DDX31: variants seen among roughly 807,000 people sequenced by gnomAD.
The protein encoded by DDX31 is DEAD-box helicase 31.
In DDX31, 70 loss-of-function variants were observed where a neutral mutation model predicts 91.3. The observed-to-expected ratio is 0.77, with a 90% CI of 0.63 to 0.94. The LOEUF is 0.94. Among genes scored for constraint, DDX31 ranks in the 40% least tolerant of loss-of-function variants. The probability of loss-of-function intolerance (pLI) is 0.00; values close to 1 mark genes in which losing one functional copy is unlikely to be tolerated. For missense variants in DDX31, 902 were observed against 925.0 expected, an observed-to-expected ratio of 0.98 and a Z score of 0.32; for synonymous variants, 362 against 350.6, an observed-to-expected ratio of 1.03 and a Z score of -0.36.
At position 132,648,224 on chromosome 9, in the gene DDX31, C is replaced by T. The variant is rs183976363; in HGVS notation, c.932G>A (p.Arg311Gln). 266 of 1,613,910 alleles carry T rather than the reference C, an allele frequency of 1.6e-4. No homozygotes were observed. The highest frequency in any genetic ancestry group is 2.1e-4 in the Non-Finnish European group (252 of 1,179,984). Residue 311 changes from arginine to glutamine, a missense_variant, in exon 11 of 20, where the codon CGA (arginine) becomes CAA (glutamine). Coordinates refer to ENST00000372159, the MANE Select transcript of DDX31 (RefSeq NM_022779.9). The part of the protein sequence containing the change: ...LNAVNAECQK[R>Q]QNVLLSATLT... ...TGTCGCTGATAGCAAGACATTCTGT[C>T]GTTTTTGGCATTCAGCATTTACAGC...
intron 14 of DDX31, among the ~76,000 whole-genome samples, chr9:132,636,814 G>C (rs1039709302): frequency 5.3e-5 from 8 of 152,164 alleles, no homozygotes; most frequent in African/African-American, 1.9e-4. Flanking sequence ...AGAAAGGCAA[G>C]TCCTAGTCTA....
intron 19 of DDX31, among the ~76,000 whole-genome samples, chr9:132,599,248 A>C (rs1400189297): frequency 6.6e-6 from 1 of 152,240 alleles, no homozygotes; most frequent in Non-Finnish European, 1.5e-5. Flanking sequence ...AGGCACAGAG[A>C]GATTAGGTCA....
In DDX31 at chr9:132,652,480, G is replaced by A. The variant is rs1265286110; in HGVS notation, c.601C>T (p.Pro201Ser). ...GTTGGCACGAGCACCAGGGCATAGGGGCCATCACTGCGCTGTTGACACACA... is the reference window on the plus strand; with the variant it reads ...GTTGGCACGAGCACCAGGGCATAGGAGCCATCACTGCGCTGTTGACACACA... Reference protein sequence around the residue: ...MESKIQRSDGPYALVLVPTRE... With the variant: ...MESKIQRSDGSYALVLVPTRE... Residue 201 changes from proline (P) to serine (S), a missense_variant, in exon 7 of 20, where the codon CCC (proline) becomes TCC (serine). Physicochemically the swap from Pro to Ser is moderately conservative, Grantham distance 74. Coordinates refer to ENST00000372159, the MANE Select transcript of DDX31 (RefSeq NM_022779.9). 2 of 1,614,120 alleles carry A rather than the reference G, an allele frequency of 1.2e-6. No homozygotes were observed. Among genetic ancestry groups the A allele is most frequent in the East Asian group, 2.2e-5 (1 of 44,884 alleles).
chr9:132,666,310 G>T (rs1014269355), intron 1 of DDX31, among the ~76,000 whole-genome samples: 5 of 150,290 alleles, frequency 3.3e-5, no homozygotes, highest in Non-Finnish European at 7.4e-5. Flanking sequence ...ACTGTCTGAA[G>T]AAATAGAGCT....
Position 132,657,258 on chromosome 9 carries a change from G to C in DDX31, c.588+1413C>G, listed in dbSNP as rs549682122. Among the ~76,000 whole-genome samples, 7 of 152,296 alleles carry C rather than the reference G, an allele frequency of 4.6e-5. No homozygotes were observed. The East Asian group carries it at 1.2e-3, about 25-fold the overall frequency. On this transcript the variant is annotated intron_variant, in intron 6 of 19. Transcript: ENST00000372159. The stretch of plus-strand genomic sequence containing the variant: ...AATTCTGAACCTATTCATTTTGAAT[G>C]AATTCAGGCTTATAATTTCAGACTT...
intron 17 of DDX31, among the ~76,000 whole-genome samples, chr9:132,619,881 T>G (rs1413681424): frequency 2.5e-5 from 3 of 122,334 alleles, no homozygotes; most frequent in Non-Finnish European, 5.1e-5. Flanking sequence ...CTTCCCTGTG[T>G]TTTTTTTTTT....
At position 132,652,454 on chromosome 9, in the gene DDX31, C is replaced by T. The variant is rs1326090724; in HGVS notation, c.627G>A (p.Thr209=). 1.2e-5 allele frequency: 19 copies of T among 1,614,014 alleles called. No individual in the cohort carries two copies. The highest frequency in any genetic ancestry group is 1.6e-4 in the Middle Eastern group (1 of 6,078). The change falls in exon 7 of 20, where the codon ACG becomes ACA. Residue 209 remains threonine (T), a synonymous_variant. Coordinates refer to ENST00000372159, the MANE Select transcript of DDX31 (RefSeq NM_022779.9). ...CAAAAGGGAGCCTGCTTACCTCTCT[C>T]GTTGGCACGAGCACCAGGGCATAGG... ...DGPYALVLVP[T]RELALQSFDT...
At chr9:132,650,135 A>C (rs1834090842) in intron 9 of DDX31, 99 bp downstream of exon 9, 4 of 1,190,916 alleles carry the variant, frequency 3.4e-6, no homozygotes, top group Non-Finnish European at 5.0e-6. Context: ...GCAGAGCCTG[A>C]GACAAAGCTC....
At chr9:132,658,358 C>T in intron 6 of DDX31, 2 of 703,258 alleles carry the variant, frequency 2.8e-6, no homozygotes, top group South Asian at 3.0e-5. Context: ...AACAGTAATA[C>T]CTATAACACA....
intron 17 of DDX31, among the ~76,000 whole-genome samples, chr9:132,623,832 T>G (rs1305955440): frequency 6.6e-6 from 1 of 152,018 alleles, no homozygotes; most frequent in East Asian, 1.9e-4. Flanking sequence ...CCCACAGAGC[T>G]GCCCTGGAGC....
chr9:132,606,795 G>T (rs1490307271), intron 19 of DDX31, among the ~76,000 whole-genome samples: 1 of 152,202 alleles, frequency 6.6e-6, no homozygotes, highest in Non-Finnish European at 1.5e-5. Flanking sequence ...GAGTCGGCAT[G>T]TAAGAAACCA....
At position 132,598,070 on chromosome 9, in the gene DDX31, A is replaced by C. The variant is rs558395846; in HGVS notation, c.1995-2958T>G. On this transcript the variant is annotated intron_variant, in intron 19 of 19. Coordinates refer to ENST00000372159, the MANE Select transcript of DDX31 (RefSeq NM_022779.9). ...GTTCCGGTGGTCAGCAAGCAGGCAGAGGGTGGCATTTTCTAGCCCAGACCT... is the reference window on the plus strand; with the variant it reads ...GTTCCGGTGGTCAGCAAGCAGGCAGCGGGTGGCATTTTCTAGCCCAGACCT... Among the ~76,000 whole-genome samples the C allele has an allele frequency of 2.0e-3, 308 of 152,236 alleles. 1 individual carries two copies. Among genetic ancestry groups the C allele is most frequent in the African/African-American group, 7.1e-3 (295 of 41,536 alleles).
chr9:132,608,259 C>T (rs1487865303), intron 19 of DDX31, among the ~76,000 whole-genome samples: 1 of 151,960 alleles, frequency 6.6e-6, no homozygotes, highest in African/African-American at 2.4e-5. Flanking sequence ...GACAGGTTTG[C>T]GTGTAGGTGT....
chr9:132,644,688 C>A (rs940224333), intron 13 of DDX31, among the ~76,000 whole-genome samples: 1 of 152,200 alleles, frequency 6.6e-6, no homozygotes, highest in African/African-American at 2.4e-5. Context: ...CTTGGATCGA[C>A]GCCGCAGAAT....
chr9:132,639,649 C>A (rs998371951), intron 14 of DDX31, among the ~76,000 whole-genome samples: 1 of 152,192 alleles, frequency 6.6e-6, no homozygotes, highest in Admixed American at 6.5e-5. Context: ...AAAGAATAAT[C>A]TTTTCTTCCA....
intron 19 of DDX31, among the ~76,000 whole-genome samples, chr9:132,600,066 G>A (rs940241012): frequency 5.3e-5 from 8 of 152,248 alleles, no homozygotes; most frequent in South Asian, 2.1e-4. Context: ...CGGGCCCTCC[G>A]TATGCTTGTA....
chr9:132,651,795 A>G (rs1443978370), intron 7 of DDX31, among the ~76,000 whole-genome samples: 1 of 152,232 alleles, frequency 6.6e-6, no homozygotes, highest in Non-Finnish European at 1.5e-5. Context: ...CTCGAGAAGT[A>G]GCAAGTTTGC....
At chr9:132,601,647 A>G (rs1474024624) in intron 19 of DDX31, among the ~76,000 whole-genome samples, 2 of 152,196 alleles carry the variant, frequency 1.3e-5, no homozygotes, top group Non-Finnish European at 2.9e-5. Flanking sequence ...ACTTTCACGA[A>G]CCAGACTTTG....
rs1426594301 is a variant in DDX31, at chr9:132,648,261, C to G, written c.895G>C (p.Val299Leu). ...LDLGFEKDIT[V>L]ILNAVNAECQ... ...TCAGCATTTACAGCATTAAGTATCA[C>G]TGTGATGTCCTTTTCAAAACCCAAA... Residue 299 changes from valine to leucine, a missense_variant, in exon 11 of 20, where the codon GTG becomes CTG. Physicochemically the swap from Val to Leu is conservative, Grantham distance 32. Coordinates refer to ENST00000372159, the MANE Select transcript of DDX31 (RefSeq NM_022779.9). 6 of 1,612,478 alleles carry G rather than the reference C, an allele frequency of 3.7e-6. No individual in the cohort carries two copies. In the African/African-American group the frequency reaches 8.0e-5, roughly 22 times the overall value.
Sources: gnomAD v4.1 joint callset for allele counts (sites outside exome capture counted in the v4.1 genomes callset) on GRCh38, gnomAD v4.1.1 for gene constraint, MANE v1.5 for transcripts, NCBI Gene and HGNC (gene_info 2026-07-23, HGNC 2026-07-21) for gene names.